ARHGAP10: variants seen among roughly 807,000 people sequenced by gnomAD.
The protein encoded by ARHGAP10 is rho GTPase-activating protein 10.
Under a neutral mutation model 108.6 loss-of-function variants are expected in ARHGAP10, and 87 were observed. That is an observed-to-expected ratio of 0.80 (90% CI 0.67 to 0.96). The LOEUF (loss-of-function observed/expected upper bound fraction) is 0.96, where lower values mean the gene tolerates loss of function less well. ARHGAP10 is among the 40% of genes least tolerant of loss of function. The pLI, the probability that ARHGAP10 is intolerant of heterozygous loss-of-function variation, is 0.00. For missense variants in ARHGAP10, 939 were observed against 954.5 expected (o/e 0.98, Z 0.21); for synonymous variants, 347 against 341.1 (o/e 1.02, Z -0.19).
At chr4:147,869,823 C>T (rs1322610035) in intron 7 of ARHGAP10, among the ~76,000 whole-genome samples, 1 of 151,974 alleles carries the variant, frequency 6.6e-6, no homozygotes, top group African/African-American at 2.4e-5. Context: ...TTATCAGAAA[C>T]ACAAGCACTT....
At chr4:148,062,618 C>T (rs1260470266) in intron 20 of ARHGAP10, among the ~76,000 whole-genome samples, 6 of 152,174 alleles carry the variant, frequency 3.9e-5, no homozygotes, top group African/African-American at 1.4e-4. Context: ...ATGCTCTGGT[C>T]ACCAGAAGTT....
rs181735484 is a variant in ARHGAP10 at position 147,984,597 on chromosome 4, A to G, written c.1716+17758A>G. 1.6e-3 allele frequency among the ~76,000 whole-genome samples: 242 copies of G among 152,244 alleles called. 1 individual carries two copies. The highest frequency in any genetic ancestry group is 5.2e-3 in the African/African-American group (218 of 41,548). The stretch of plus-strand genomic sequence containing the variant: ...GTGTCTGTTTGAGTTCTGTGGTTAT[A>G]AATAGCATTTCTGTGGTGGCTTGTG... On this transcript the variant is annotated intron_variant, in intron 18 of 22. Coordinates refer to ENST00000336498, the MANE Select transcript of ARHGAP10 (RefSeq NM_024605.4).
At chr4:147,779,480 A>G (rs1203948336) in intron 1 of ARHGAP10, among the ~76,000 whole-genome samples, 1 of 152,074 alleles carries the variant, frequency 6.6e-6, no homozygotes, top group Non-Finnish European at 1.5e-5. Context: ...CTGAGGGGGG[A>G]AAGCAAGCTG....
intron 1 of ARHGAP10, among the ~76,000 whole-genome samples, chr4:147,763,600 G>A (rs1268611947): frequency 6.6e-6 from 1 of 152,080 alleles, no homozygotes; most frequent in African/African-American, 2.4e-5. Flanking sequence ...GTGAGCCACT[G>A]CGCCTGGCCT....
At chr4:147,869,998 T>TTTTG (rs1553958574) in intron 7 of ARHGAP10, among the ~76,000 whole-genome samples, 1,724 of 93,094 alleles carry the variant, frequency 0.019, 64 homozygotes, top group African/African-American at 0.071. Context: ...AAGTCCCAGT[T>TTTTG]TGTGTGTGTG....
At chr4:147,960,227 T>C (rs929407087) in intron 16 of ARHGAP10, among the ~76,000 whole-genome samples, 1 of 152,232 alleles carries the variant, frequency 6.6e-6, no homozygotes, top group African/African-American at 2.4e-5. Flanking sequence ...ATTTAGTTTG[T>C]ATCTAGAAGT....
In ARHGAP10 at chr4:148,045,738, C is replaced by CAAAAAA. The variant is rs11363800; in HGVS notation, c.1868-1132_1868-1127dup. 3.7e-4 allele frequency among the ~76,000 whole-genome samples: 21 copies of CAAAAAA among 57,520 alleles called. 1 individual carries two copies. Among genetic ancestry groups the CAAAAAA allele is most frequent in the African/African-American group, 1.5e-3 (20 of 13,348 alleles). The allele number at this position is 57,520 out of a possible 152,430, so 37.7% of individuals were successfully genotyped here. A position where few individuals can be genotyped will look rare whatever the true frequency, so the allele number is the denominator to read the frequency against. ...GGGCAGCAAGAACGAAACTCCATCT[C>CAAAAAA]AAAAAAAAAAAAAAAAAAAAAAAAA... On this transcript the variant is annotated intron_variant, in intron 19 of 22. Transcript: ENST00000336498.
chr4:147,875,689 C>T (rs1299697900), intron 8 of ARHGAP10, among the ~76,000 whole-genome samples: 1 of 152,188 alleles, frequency 6.6e-6, no homozygotes, highest in Non-Finnish European at 1.5e-5. Context: ...CTGGTTCTTA[C>T]TAAAATCATC....
At chr4:147,829,869 C>T (rs1732876218) in intron 3 of ARHGAP10, among the ~76,000 whole-genome samples, 2 of 152,200 alleles carry the variant, frequency 1.3e-5, no homozygotes, top group Admixed American at 1.3e-4. Context: ...TGCCCAGTTT[C>T]TCAGGATTCT....
chr4:148,018,874 G>T (rs1741453637), intron 18 of ARHGAP10, among the ~76,000 whole-genome samples: 1 of 152,264 alleles, frequency 6.6e-6, no homozygotes, highest in Admixed American at 6.5e-5. Context: ...TGTGCTAATT[G>T]TTTAATTTTT....
intron 7 of ARHGAP10, among the ~76,000 whole-genome samples, chr4:147,872,139 A>G (rs1017490185): frequency 6.7e-6 from 1 of 149,152 alleles, no homozygotes; most frequent in Non-Finnish European, 1.5e-5. Flanking sequence ...TTCCCAGTGC[A>G]GAAAATAAAC....
intron 1 of ARHGAP10, among the ~76,000 whole-genome samples, chr4:147,771,415 G>C (rs1170006505): frequency 1.3e-5 from 2 of 152,094 alleles, no homozygotes; most frequent in Non-Finnish European, 2.9e-5. Flanking sequence ...AATTACATCA[G>C]GGTAAATAGG....
intron 1 of ARHGAP10, among the ~76,000 whole-genome samples, chr4:147,796,205 C>G (rs1421683514): frequency 6.6e-6 from 1 of 152,096 alleles, no homozygotes; most frequent in Non-Finnish European, 1.5e-5. Context: ...TTTCTCCATT[C>G]ATTGAACATT....
chr4:148,023,336 C>T lies in ARHGAP10; in HGVS notation c.1790C>T (p.Pro597Leu). 6.2e-7 allele frequency: 1 copy of T among 1,614,242 alleles called. No homozygotes were observed. The highest frequency in any genetic ancestry group is 8.5e-7 in the Non-Finnish European group (1 of 1,180,034). ...TCAGCATCACCCCCAAATGCGCCACCAAGGCAGTCGAAGAGACAAGGCCAG... is the reference window on the plus strand; with the variant it reads ...TCAGCATCACCCCCAAATGCGCCACTAAGGCAGTCGAAGAGACAAGGCCAG... ...CLSASPPNAP[P>L]RQSKRQGQRT... Residue 597 changes from proline (P) to leucine (L), a missense_variant, in exon 19 of 23, where the codon CCA becomes CTA. Transcript: ENST00000336498.
At chr4:147,899,618 C>T (rs1316586121) in intron 10 of ARHGAP10, among the ~76,000 whole-genome samples, 5 of 151,970 alleles carry the variant, frequency 3.3e-5, no homozygotes, top group Non-Finnish European at 5.9e-5. Context: ...TGTCATTGCT[C>T]GTGTGCTCTA....
chr4:147,874,396 TG>T (rs1281891206), intron 7 of ARHGAP10, among the ~76,000 whole-genome samples: 1 of 152,234 alleles, frequency 6.6e-6, no homozygotes, highest in Non-Finnish European at 1.5e-5. Context: ...CCAAGTGTCC[TG>T]GGTTTCAGAA....
chr4:148,045,564 C>A (rs1006886665), intron 19 of ARHGAP10, among the ~76,000 whole-genome samples: 1 of 151,668 alleles, frequency 6.6e-6, no homozygotes, highest in African/African-American at 2.4e-5. Context: ...CATGAAGAAA[C>A]CCTGTCGCTA....
intron 1 of ARHGAP10, among the ~76,000 whole-genome samples, chr4:147,793,180 G>T (rs1370251747): frequency 6.6e-6 from 1 of 151,522 alleles, no homozygotes; most frequent in African/African-American, 2.4e-5. Context: ...GTGTGTGTGT[G>T]CATATATGTG....
intron 20 of ARHGAP10, among the ~76,000 whole-genome samples, chr4:148,055,879 C>G (rs1560895755): frequency 6.6e-6 from 1 of 152,038 alleles, no homozygotes; most frequent in Non-Finnish European, 1.5e-5. Context: ...AGCCCCGCAC[C>G]ACAAAACCAG....
Sources: allele counts gnomAD v4.1 joint callset (sites outside exome capture counted in the v4.1 genomes callset), GRCh38; gene constraint gnomAD v4.1.1; transcripts MANE v1.5; gene names NCBI Gene and HGNC (gene_info 2026-07-23, HGNC 2026-07-21).